CLEC16A: variants seen among roughly 807,000 people sequenced by gnomAD.
The protein encoded by CLEC16A is C-type lectin domain containing 16A.
Under a neutral mutation model 109.5 loss-of-function variants are expected in CLEC16A, and 51 were observed. The observed-to-expected ratio is 0.47, with a 90% CI of 0.37 to 0.59. The LOEUF (loss-of-function observed/expected upper bound fraction) is 0.59, where lower values mean the gene tolerates loss of function less well. Ranked by LOEUF, CLEC16A falls within the 20% of genes least tolerant of loss-of-function variation. The probability of loss-of-function intolerance (pLI) is 0.00; values close to 1 mark genes in which losing one functional copy is unlikely to be tolerated. For missense variants in CLEC16A, 1,339 were observed against 1,394.0 expected (o/e 0.96, Z 0.63); for synonymous variants, 673 against 564.2 (o/e 1.19, Z -2.73).
chr16:11,140,989 G>A (rs966192779), intron 22 of CLEC16A, among the ~76,000 whole-genome samples: 3 of 152,224 alleles, frequency 2.0e-5, no homozygotes, highest in African/African-American at 7.2e-5. Context: ...AGTGCTTCAC[G>A]TTATCGTAGT....
intron 22 of CLEC16A, among the ~76,000 whole-genome samples, chr16:11,132,922 A>G (rs12919828): frequency 0.19 from 28,389 of 152,170 alleles, 3,373 homozygotes; most frequent in South Asian, 0.27. Context: ...AACAGACTGT[A>G]AACCCCTAAG....
intron 14 of CLEC16A, chr16:11,041,968 C>T (rs1313537322): frequency 2.9e-6 from 1 of 347,412 alleles, no homozygotes; most frequent in Non-Finnish European, 5.3e-6. Context: ...GGGCCACTTT[C>T]CAGGCCTCAA....
intron 13 of CLEC16A, among the ~76,000 whole-genome samples, chr16:11,038,427 G>A (rs2047142416): frequency 6.6e-6 from 1 of 152,174 alleles, no homozygotes; most frequent in Non-Finnish European, 1.5e-5. Flanking sequence ...TTCTGTAAGT[G>A]TATTTTTGAA....
intron 10 of CLEC16A, among the ~76,000 whole-genome samples, chr16:10,996,462 A>G (rs1168521155): frequency 2.6e-5 from 4 of 152,208 alleles, no homozygotes; most frequent in African/African-American, 9.7e-5. Context: ...GGGCACACCT[A>G]GAGAGCTGGC....
At chr16:10,977,165 G>C in intron 7 of CLEC16A, 60 bp from the exon 8 acceptor site, 1 of 1,508,530 alleles carries the variant, frequency 6.6e-7, no homozygotes, top group Admixed American at 1.8e-5. Context: ...GGCCATTGAT[G>C]TTAGGCTCAA....
rs200896991 is a variant in CLEC16A, at chr16:11,181,889, T to C, written c.*3199T>C. 1 of 152,708 alleles carries C rather than the reference T, an allele frequency of 6.5e-6. No homozygotes were observed. Among genetic ancestry groups the C allele is most frequent in the Non-Finnish European group, 1.5e-5 (1 of 68,060 alleles). 9.5% of individuals were successfully genotyped at this position (152,708 alleles called of 1,614,324 possible). On this transcript the variant is annotated 3_prime_UTR_variant, in exon 24 of 24. Coordinates refer to ENST00000409790, the MANE Select transcript of CLEC16A (RefSeq NM_015226.3). ...GTGGGGTGAACTGATTTTGATCTTC[T>C]TGTCTAGATGCAATAAATAAATCTG...
intron 22 of CLEC16A, among the ~76,000 whole-genome samples, chr16:11,152,433 T>C (rs981156728): frequency 6.6e-6 from 1 of 152,240 alleles, no homozygotes; most frequent in African/African-American, 2.4e-5. Flanking sequence ...TTGGGGTTTC[T>C]ATTTCTGATC....
chr16:11,138,708 G>C (rs1363429848), intron 22 of CLEC16A, among the ~76,000 whole-genome samples: 1 of 152,144 alleles, frequency 6.6e-6, no homozygotes, highest in Admixed American at 6.5e-5. Context: ...AAACCTAAAT[G>C]ACCACTGTTT....
chr16:10,950,030 C>A (rs2041642512), intron 1 of CLEC16A, among the ~76,000 whole-genome samples: 1 of 152,224 alleles, frequency 6.6e-6, no homozygotes, highest in African/African-American at 2.4e-5. Context: ...CTAACTTCTT[C>A]TGTGCCTGTT....
In CLEC16A at chr16:11,178,560, C is replaced by T; in HGVS notation, c.3032C>T (p.Pro1011Leu). The change falls in exon 24 of 24, where the codon CCC becomes CTC. Residue 1011 changes from proline to leucine, a missense_variant. Around this residue, in one of 3 missense-constraint regions of CLEC16A, gnomAD observed 1,061 missense variants for 1,006.8 expected, o/e 1.05. Coordinates refer to ENST00000409790, the MANE Select transcript of CLEC16A (RefSeq NM_015226.3). This position sits in a 1 kb window ranked among gnomAD's most constrained non-coding sequence, Gnocchi z 6.5. Reference sequence around the variant, plus strand: ...AGCGTCGAATCGCTGACCCTTGTCCCCCCAGTTGACCCCCACAGCCTCCGC... The same window carrying T: ...AGCGTCGAATCGCTGACCCTTGTCCTCCCAGTTGACCCCCACAGCCTCCGC... ...TLSVESLTLV[P>L]PVDPHSLRSL... is the part of the protein sequence containing the mutation. 6.2e-7 allele frequency: 1 copy of T among 1,612,154 alleles called. No individual in the cohort carries two copies. Among genetic ancestry groups the T allele is most frequent in the Non-Finnish European group, 8.5e-7 (1 of 1,179,792 alleles).
In CLEC16A at chr16:10,961,624, C is replaced by A. The variant is rs1205145265; in HGVS notation, c.210-831C>A. Among the ~76,000 whole-genome samples, 1 of 152,312 alleles carries A rather than the reference C, an allele frequency of 6.6e-6. No individual in the cohort carries two copies. The highest frequency in any genetic ancestry group is 2.4e-5 in the African/African-American group (1 of 41,562). ...GGCTGTGTACAGACAAGTATCCTAT[C>A]CACAAGGAGAAAGGCAGAAACAGAC... On this transcript the variant is annotated intron_variant, in intron 2 of 23. Transcript: ENST00000409790. This position sits in a 1 kb window ranked among gnomAD's most constrained non-coding sequence, Gnocchi z 4.3.
At chr16:10,949,446 G>A (rs2041609756) in intron 1 of CLEC16A, among the ~76,000 whole-genome samples, 1 of 152,084 alleles carries the variant, frequency 6.6e-6, no homozygotes, top group Non-Finnish European at 1.5e-5. Flanking sequence ...CGGGGTGTCA[G>A]GTGGAAGGAA....
chr16:11,151,824 G>T (rs572958950), intron 22 of CLEC16A, among the ~76,000 whole-genome samples: 1 of 152,190 alleles, frequency 6.6e-6, no homozygotes, highest in African/African-American at 2.4e-5. Context: ...CTTTCGGGGG[G>T]CGGGGGCCGG....
intron 23 of CLEC16A, among the ~76,000 whole-genome samples, chr16:11,168,401 G>GTC (rs1385729363): frequency 5.9e-5 from 9 of 152,224 alleles, no homozygotes; most frequent in Admixed American, 2.0e-4. Flanking sequence ...CCTCCGAGGT[G>GTC]TCTGCTCCCA....
chr16:11,132,899 G>A (rs2867879), intron 22 of CLEC16A, among the ~76,000 whole-genome samples: 46,972 of 152,010 alleles, frequency 0.31, 7,437 homozygotes, highest in African/African-American at 0.39. Context: ...GAATTGTTCA[G>A]TCTTGTTTTC....
At chr16:11,039,379 A>G (rs552507104) in intron 13 of CLEC16A, among the ~76,000 whole-genome samples, 43 of 152,354 alleles carry the variant, frequency 2.8e-4, no homozygotes, top group Non-Finnish European at 5.1e-4. Context: ...TTTATAAGAA[A>G]TAGAAAATGT....
At chr16:11,148,360 A>G (rs985516654) in intron 22 of CLEC16A, among the ~76,000 whole-genome samples, 4 of 152,066 alleles carry the variant, frequency 2.6e-5, no homozygotes, top group Non-Finnish European at 5.9e-5. Context: ...GCCTTTTTGT[A>G]TGGTAGAAAC....
At position 11,174,681 on chromosome 16, in the gene CLEC16A, C is replaced by G. The variant is rs2068676034; in HGVS notation, c.2807-3654C>G. ...TGGGGGTTGGGCGGCAGTTGGCTGG[C>G]AAAGTGAGAATTTGTAGAAAGCAAC... On this transcript the variant is annotated intron_variant, in intron 23 of 23. Transcript: ENST00000409790. This position sits in a 1 kb window ranked among gnomAD's most constrained non-coding sequence, Gnocchi z 4.7. 6.6e-6 allele frequency among the ~76,000 whole-genome samples: 1 copy of G among 152,264 alleles called. No individual in the cohort carries two copies. Among genetic ancestry groups the G allele is most frequent in the Non-Finnish European group, 1.5e-5 (1 of 68,044 alleles).
chr16:11,148,597 G>C (rs1019631266), intron 22 of CLEC16A, among the ~76,000 whole-genome samples: 2 of 152,138 alleles, frequency 1.3e-5, no homozygotes, highest in East Asian at 1.9e-4. Flanking sequence ...TCAGCATCAG[G>C]GCTGTGGCTT....
Sources: allele counts gnomAD v4.1 joint callset (sites outside exome capture counted in the v4.1 genomes callset), GRCh38; gene constraint gnomAD v4.1.1; regional missense constraint gnomAD v4.1.1; non-coding constraint Gnocchi (gnomAD v3.1); transcripts MANE v1.5; gene names NCBI Gene and HGNC (gene_info 2026-07-23, HGNC 2026-07-21).